Variants in TMEM235 observed in about 807,000 individuals in gnomAD.
TMEM235 encodes transmembrane protein 235.
In TMEM235, 23 loss-of-function variants were observed where a neutral mutation model predicts 22.9. The observed-to-expected ratio is 1.00, with a 90% CI of 0.72 to 1.42. The LOEUF is 1.42. Among genes scored for constraint, TMEM235 ranks in the 40% most tolerant of loss-of-function variants. TMEM235 has a pLI of 0.00. For missense variants in TMEM235, 308 were observed against 299.5 expected (o/e 1.03, Z -0.21); for synonymous variants, 137 against 140.5 (o/e 0.98, Z 0.17).
rs560591067 is a variant in TMEM235 at position 78,237,049 on chromosome 17, T to C, written c.410-1975T>C. 4.6e-5 allele frequency among the ~76,000 whole-genome samples: 7 copies of C among 152,212 alleles called. No individual in the cohort carries two copies. Among genetic ancestry groups the C allele is most frequent in the African/African-American group, 9.6e-5 (4 of 41,508 alleles). On this transcript the variant is annotated intron_variant, in intron 4 of 5. Transcript: ENST00000421688. This position sits in a 1 kb window ranked among gnomAD's most constrained non-coding sequence, Gnocchi z 4.7. ...CTTACAGGGACACGGACCCTCTGCA[T>C]TGTGCCTGGGAGCGAAGGCACCGGC...
chr17:78,231,808 G>A (rs2076582595), exon 2 of TMEM235: 2 of 1,209,506 alleles, frequency 1.7e-6, no homozygotes. Context: ...TTCCCCCAGG[G>A]GCGAGCTCAG....
Position 78,237,829 on chromosome 17 carries a change from C to G in TMEM235, c.410-1195C>G, listed in dbSNP as rs1376349588. On this transcript the variant is annotated intron_variant, in intron 4 of 5. Coordinates refer to ENST00000421688, the Ensembl canonical transcript of TMEM235. The surrounding 1 kb of genome is among the most constrained non-coding windows in gnomAD (Gnocchi z 4.7). ...GGGCAGGCATCCGTGTGTCCTCCCT[C>G]CCTCAGCCTCCCCATGCCTTCTTCT... Among the ~76,000 whole-genome samples, 1 of 152,178 alleles carries G rather than the reference C, an allele frequency of 6.6e-6. No homozygotes were observed. The highest frequency in any genetic ancestry group is 1.5e-5 in the Non-Finnish European group (1 of 68,028).
chr17:78,234,211 C>T (rs1157642248), intron 3 of TMEM235: 2 of 700,230 alleles, frequency 2.9e-6, no homozygotes, highest in Non-Finnish European at 5.2e-6. Context: ...GATGGCTCAT[C>T]CCTTTGTTAT....
chr17:78,235,218 G>A (rs1026091035), intron 4 of TMEM235, among the ~76,000 whole-genome samples: 7 of 152,342 alleles, frequency 4.6e-5, no homozygotes, highest in Admixed American at 2.6e-4. Flanking sequence ...AATCACAGGC[G>A]GAAGGCCAAG....
At chr17:78,232,953 G>A (rs2076600497) in intron 2 of TMEM235, among the ~76,000 whole-genome samples, 1 of 152,182 alleles carries the variant, frequency 6.6e-6, no homozygotes, top group South Asian at 2.1e-4. Flanking sequence ...ATATGAGTGT[G>A]TGAGCATGTC....
At chr17:78,236,234 G>T (rs577494332) in intron 4 of TMEM235, among the ~76,000 whole-genome samples, 1 of 152,036 alleles carries the variant, frequency 6.6e-6, no homozygotes, top group Admixed American at 6.6e-5. Context: ...CAGATCATGC[G>T]GGGGGGCCTG....
chr17:78,239,309 G>A, intron 5 of TMEM235, 36 bp downstream of exon 4: 1 of 1,522,656 alleles, frequency 6.6e-7, no homozygotes. Flanking sequence ...GCACCTCCCG[G>A]GATTGGGCGG....
Position 78,238,894 on chromosome 17 carries a change from G to A in TMEM235, c.410-130G>A, listed in dbSNP as rs889554534. 2.2e-5 allele frequency: 30 copies of A among 1,361,632 alleles called. No homozygotes were observed. The highest frequency in any genetic ancestry group is 5.9e-5 in the South Asian group (4 of 67,442). 84.3% of individuals were successfully genotyped at this position (1,361,632 alleles called of 1,614,324 possible). On this transcript the variant is annotated intron_variant, in intron 4 of 5. Transcript: ENST00000421688. The surrounding 1 kb of genome is among the most constrained non-coding windows in gnomAD (Gnocchi z 4.3). ...CAGGGCTAACCATGACAGGAAGGGC[G>A]GTGTGCTGCCTGCAGCTCTGCCTGA...
chr17:78,239,115 G>A (rs1264893406), exon 5 of TMEM235: 3 of 1,543,682 alleles, frequency 1.9e-6, no homozygotes, highest in South Asian at 1.2e-5. Flanking sequence ...CGCAGCACAT[G>A]CAGGGCGTCC....
In TMEM235 at chr17:78,233,858, C is replaced by T. The variant is rs543940922; in HGVS notation, c.191-37C>T. The stretch of plus-strand genomic sequence containing the variant: ...GGGTAGGCTGCTGGGTGCACCACAG[C>T]GTCCAGGCCCCAGGCTTCGAGGCCT... On this transcript the variant is annotated intron_variant, in intron 2 of 5. Coordinates refer to ENST00000421688, the Ensembl canonical transcript of TMEM235. 7 of 1,530,114 alleles carry T rather than the reference C, an allele frequency of 4.6e-6. No individual in the cohort carries two copies. In the South Asian group the frequency reaches 7.2e-5, roughly 16 times the overall value. The allele number at this position is 1,530,114 out of a possible 1,614,324, so 94.8% of individuals were successfully genotyped here.
At chr17:78,232,984 T>C (rs1164226246) in intron 2 of TMEM235, among the ~76,000 whole-genome samples, 2 of 152,118 alleles carry the variant, frequency 1.3e-5, no homozygotes, top group African/African-American at 4.8e-5. Flanking sequence ...TGTGTGCATG[T>C]GAGAGTGTGT....
chr17:78,240,032 T>G, exon 6 of TMEM235: 1 of 1,506,852 alleles, frequency 6.6e-7, no homozygotes, highest in Non-Finnish European at 8.9e-7. Context: ...TAGGTACTTT[T>G]CACTGAGCAC....
At chr17:78,239,705 G>T in intron 5 of TMEM235, 75 bp from the exon 5 acceptor site, 2 of 1,482,268 alleles carry the variant, frequency 1.3e-6, no homozygotes. Flanking sequence ...GTTAAATGCC[G>T]CAGGACTGGG....
intron 2 of TMEM235, among the ~76,000 whole-genome samples, chr17:78,232,721 CCCTCCGTTCCCCCCAGCTCCCT>C (rs949112159): frequency 2.4e-4 from 36 of 151,090 alleles, no homozygotes; most frequent in African/African-American, 8.9e-4. Context: ...CCACAGGGCC[CCCTCCGTTCCCCCCAGCTCCCT>C]CCTCCGGAGC....
chr17:78,239,790 T>G (rs2076688490), exon 6 of TMEM235: 1 of 1,546,716 alleles, frequency 6.5e-7, no homozygotes, highest in Non-Finnish European at 8.7e-7. Flanking sequence ...AGGGGGAGAC[T>G]GAGGCCCAGA....
chr17:78,234,173 C>T, intron 3 of TMEM235, 198 bp downstream of exon 2: 2 of 705,532 alleles, frequency 2.8e-6, no homozygotes, highest in South Asian at 3.0e-5. Flanking sequence ...ATCCTGTTTT[C>T]CCCTGTCTCA....
At position 78,237,116 on chromosome 17, in the gene TMEM235, G is replaced by T. The variant is rs936736691; in HGVS notation, c.410-1908G>T. On this transcript the variant is annotated intron_variant, in intron 4 of 5. Coordinates refer to ENST00000421688, the Ensembl canonical transcript of TMEM235. This position sits in a 1 kb window ranked among gnomAD's most constrained non-coding sequence, Gnocchi z 4.7. ...CGGAGGTAGCTGGTGGATGGGTGGG[G>T]GTTCCACTGCGACTCCAGCCTCCCC... 6.6e-6 allele frequency among the ~76,000 whole-genome samples: 1 copy of T among 152,150 alleles called. No individual in the cohort carries two copies. Among genetic ancestry groups the T allele is most frequent in the African/African-American group, 2.4e-5 (1 of 41,436 alleles).
rs1330344627 is a variant in TMEM235 at position 78,238,548 on chromosome 17, C to CTGTGTGTGTG, written c.410-475_410-474insGTGTGTGTGT. Among the ~76,000 whole-genome samples the CTGTGTGTGTG allele has an allele frequency of 1.0e-5, 1 of 96,390 alleles. No individual in the cohort carries two copies. Among genetic ancestry groups the CTGTGTGTGTG allele is most frequent in the Non-Finnish European group, 2.2e-5 (1 of 45,210 alleles). The allele number at this position is 96,390 out of a possible 152,430, so 63.2% of individuals were successfully genotyped here. The stretch of plus-strand genomic sequence containing the variant: ...ACGCTGCTGCCAGCAGAGGCCATGG[C>CTGTGTGTGTG]TCTGTGTGTGTGTGTGTGTGTGTGT... On this transcript the variant is annotated intron_variant, in intron 4 of 5. Transcript: ENST00000421688. The surrounding 1 kb of genome is among the most constrained non-coding windows in gnomAD (Gnocchi z 4.3).
exon 6 of TMEM235, chr17:78,240,035 C>A: frequency 1.3e-6 from 2 of 1,500,160 alleles, no homozygotes; most frequent in Non-Finnish European, 1.8e-6. Context: ...GTACTTTTCA[C>A]TGAGCACTTC....
Sources: gnomAD v4.1 joint callset for allele counts (sites outside exome capture counted in the v4.1 genomes callset) on GRCh38, gnomAD v4.1.1 for gene constraint, Gnocchi (gnomAD v3.1) non-coding constraint, MANE v1.5 for transcripts, NCBI Gene and HGNC (gene_info 2026-07-23, HGNC 2026-07-21) for gene names.